FAR2: variants seen among roughly 807,000 people sequenced by gnomAD.
FAR2 encodes the protein epididymis secretory protein Li 81.
A neutral mutation model predicts 56.0 loss-of-function variants in FAR2; 19 were observed. The ratio of observed to expected loss-of-function variants is 0.34; its 90% CI spans 0.24 to 0.50. The LOEUF is 0.50. FAR2 is among the 20% of genes least tolerant of loss of function. The pLI, the probability that FAR2 is intolerant of heterozygous loss-of-function variation, is 0.98. For missense variants in FAR2, 508 were observed against 642.2 expected (o/e 0.79, Z 2.26); for synonymous variants, 219 against 218.8 (o/e 1.00, Z -0.01).
At chr12:29,182,938 CT>C (rs11298420) in intron 1 of FAR2, among the ~76,000 whole-genome samples, 125,963 of 131,086 alleles carry the variant, frequency 0.96, 60,519 homozygotes, top group Middle Eastern at 0.99. Flanking sequence ...TACTCATTGT[CT>C]TTTTTTTTTT....
At chr12:29,197,283 C>T (rs1343388777) in intron 1 of FAR2, among the ~76,000 whole-genome samples, 2 of 152,104 alleles carry the variant, frequency 1.3e-5, no homozygotes, top group South Asian at 2.1e-4. Context: ...GAGAATCTGT[C>T]GTTGTATTTT....
At chr12:29,153,702 G>T (rs143974978) in intron 1 of FAR2, among the ~76,000 whole-genome samples, 9 of 152,154 alleles carry the variant, frequency 5.9e-5, no homozygotes, top group Non-Finnish European at 1.3e-4. Context: ...AGGACAGAGC[G>T]CAGGTGAGAG....
chr12:29,248,914 C>T (rs966058260), intron 1 of FAR2, among the ~76,000 whole-genome samples: 18 of 152,218 alleles, frequency 1.2e-4, no homozygotes, highest in Admixed American at 6.5e-4. Flanking sequence ...GGCTCACCGG[C>T]GGTCAGAGTT....
intron 1 of FAR2, among the ~76,000 whole-genome samples, chr12:29,150,136 T>A (rs1949670809): frequency 6.6e-6 from 1 of 151,766 alleles, no homozygotes; most frequent in Non-Finnish European, 1.5e-5. Context: ...CCAACTGGAG[T>A]AGATGGCTTG....
chr12:29,240,998 G>C (rs960635389), intron 1 of FAR2, among the ~76,000 whole-genome samples: 1 of 152,056 alleles, frequency 6.6e-6, no homozygotes, highest in African/African-American at 2.4e-5. Flanking sequence ...TAGAGACGGG[G>C]TTTCACCATG....
intron 2 of FAR2, among the ~76,000 whole-genome samples, chr12:29,283,617 G>C (rs1948821741): frequency 6.6e-6 from 1 of 152,070 alleles, no homozygotes; most frequent in Non-Finnish European, 1.5e-5. Context: ...ATTTTTATTA[G>C]AAATATGATT....
At chr12:29,313,381 G>A (rs1390664911) in intron 8 of FAR2, among the ~76,000 whole-genome samples, 1 of 152,046 alleles carries the variant, frequency 6.6e-6, no homozygotes, top group Admixed American at 6.6e-5. Flanking sequence ...AAACTATCCT[G>A]CCATTTTTAG....
intron 1 of FAR2, among the ~76,000 whole-genome samples, chr12:29,196,521 C>T (rs1238251887): frequency 2.0e-5 from 3 of 151,992 alleles, no homozygotes; most frequent in African/African-American, 7.2e-5. Context: ...CCTTTGCCTA[C>T]TTTTTAATGG....
chr12:29,309,279 A>G (rs769159109), intron 6 of FAR2, 49 bp downstream of exon 6: 1 of 1,437,214 alleles, frequency 7.0e-7, no homozygotes, highest in Admixed American at 1.8e-5. Context: ...GTAGAGAAAT[A>G]GTAACAAAAT....
At chr12:29,302,994 T>C (rs997927191) in intron 4 of FAR2, among the ~76,000 whole-genome samples, 3 of 152,200 alleles carry the variant, frequency 2.0e-5, no homozygotes, top group African/African-American at 7.2e-5. Context: ...TTTGCATTTC[T>C]AGTACCAGGG....
chr12:29,230,814 A>G (rs887175718), intron 1 of FAR2, among the ~76,000 whole-genome samples: 15 of 152,186 alleles, frequency 9.9e-5, no homozygotes, highest in African/African-American at 3.6e-4. Flanking sequence ...TCACTGAGAT[A>G]GGGAGAATGG....
chr12:29,222,520 G>A (rs1164774873), intron 1 of FAR2, among the ~76,000 whole-genome samples: 1 of 152,100 alleles, frequency 6.6e-6, no homozygotes, highest in Non-Finnish European at 1.5e-5. Flanking sequence ...AAGGAAGGGG[G>A]TAGGAGGAGA....
chr12:29,256,797 A>C (rs7299648), intron 1 of FAR2, among the ~76,000 whole-genome samples: 85,342 of 152,144 alleles, frequency 0.56, 24,498 homozygotes, highest in African/African-American at 0.67. Flanking sequence ...CCAGCTGCCG[A>C]GGAGGGTGTA....
At chr12:29,287,722 A>C (rs1377722638) in intron 2 of FAR2, among the ~76,000 whole-genome samples, 1 of 152,220 alleles carries the variant, frequency 6.6e-6, no homozygotes, top group Non-Finnish European at 1.5e-5. Flanking sequence ...AAAATGATTA[A>C]AGATCAAAGA....
At chr12:29,155,566 A>G (rs1565675583) in intron 1 of FAR2, among the ~76,000 whole-genome samples, 1 of 152,374 alleles carries the variant, frequency 6.6e-6, no homozygotes, top group Non-Finnish European at 1.5e-5. Flanking sequence ...TCTTTGAACT[A>G]AGAATGGTTC....
intron 1 of FAR2, among the ~76,000 whole-genome samples, chr12:29,237,006 C>T (rs1947953407): frequency 6.6e-6 from 1 of 152,080 alleles, no homozygotes; most frequent in African/African-American, 2.4e-5. Flanking sequence ...CTTTTTCCTG[C>T]CTTATTTTGG....
chr12:29,176,150 T>G (rs1949936370), intron 1 of FAR2, among the ~76,000 whole-genome samples: 1 of 152,246 alleles, frequency 6.6e-6, no homozygotes. Flanking sequence ...CATCATTTAA[T>G]TTTATGCTCC....
At chr12:29,170,742 G>C (rs1239382044) in intron 1 of FAR2, among the ~76,000 whole-genome samples, 4 of 68,476 alleles carry the variant, frequency 5.8e-5, no homozygotes, top group Non-Finnish European at 1.5e-4. Flanking sequence ...CTTTGTCTCT[G>C]TCTCTTCCTC....
At chr12:29,217,799 T>C (rs1229531386) in intron 1 of FAR2, among the ~76,000 whole-genome samples, 1 of 152,054 alleles carries the variant, frequency 6.6e-6, no homozygotes, top group East Asian at 1.9e-4. Context: ...CTGTGACCCA[T>C]AGTCAAGAGA....
Sources: allele counts gnomAD v4.1 joint callset (sites outside exome capture counted in the v4.1 genomes callset), GRCh38; gene constraint gnomAD v4.1.1; transcripts MANE v1.5; gene names NCBI Gene and HGNC (gene_info 2026-07-23, HGNC 2026-07-21).